RHOT1: variants seen among roughly 807,000 people sequenced by gnomAD.
RHOT1 encodes the protein mitochondrial Rho GTPase 1.
In RHOT1, 27 loss-of-function variants were observed where a neutral mutation model predicts 95.3. The ratio of observed to expected loss-of-function variants is 0.28; its 90% CI spans 0.21 to 0.39. RHOT1 has a LOEUF of 0.39. Among genes scored for constraint, RHOT1 ranks in the 10% least tolerant of loss-of-function variants. The pLI is 1.00. For missense variants in RHOT1, 578 were observed against 786.7 expected (o/e 0.73, Z 3.17); for synonymous variants, 227 against 263.5 (o/e 0.86, Z 1.34).
chr17:32,169,224 C>T (rs1273922447), intron 1 of RHOT1, among the ~76,000 whole-genome samples: 1 of 152,072 alleles, frequency 6.6e-6, no homozygotes, highest in African/African-American at 2.4e-5. Flanking sequence ...CTTTTCTTAA[C>T]TCAAAAAATT....
At chr17:32,144,925 C>T (rs1297882346) in intron 1 of RHOT1, among the ~76,000 whole-genome samples, 1 of 151,932 alleles carries the variant, frequency 6.6e-6, no homozygotes, top group East Asian at 1.9e-4. Flanking sequence ...CCCAGAAAAT[C>T]GAGGTTGCAG....
Position 32,194,180 on chromosome 17 carries a change from C to T in RHOT1, c.869+73C>T, listed in dbSNP as rs2036701492. 9.9e-6 allele frequency: 15 copies of T among 1,522,514 alleles called. No individual in the cohort carries two copies. In the South Asian group the frequency reaches 1.5e-4, roughly 16 times the overall value. The allele number at this position is 1,522,514 out of a possible 1,614,324, so 94.3% of individuals were successfully genotyped here. A position where few individuals can be genotyped will look rare whatever the true frequency, so the allele number is the denominator to read the frequency against. ...TGAGACAGGATCTCACTATGTTTCCCAGGCTGGTCTTGAACTCCTGAGTCA... is the reference window on the plus strand; with the variant it reads ...TGAGACAGGATCTCACTATGTTTCCTAGGCTGGTCTTGAACTCCTGAGTCA... On this transcript the variant is annotated intron_variant, in intron 11 of 19. Transcript: ENST00000545287.
At chr17:32,219,684 C>T (rs1379474894) in intron 19 of RHOT1, among the ~76,000 whole-genome samples, 1 of 152,138 alleles carries the variant, frequency 6.6e-6, no homozygotes, top group Non-Finnish European at 1.5e-5. Context: ...GGCTCCTACA[C>T]CTGTGTCAAG....
intron 19 of RHOT1, among the ~76,000 whole-genome samples, chr17:32,218,185 G>A (rs767093968): frequency 1.3e-5 from 2 of 151,630 alleles, no homozygotes; most frequent in Non-Finnish European, 2.9e-5. Context: ...TTTTTTAAGT[G>A]GAATATTTGA....
At chr17:32,175,871 T>G (rs1238670988) in intron 4 of RHOT1, 91 bp from the exon 5 acceptor site, 1 of 813,308 alleles carries the variant, frequency 1.2e-6, no homozygotes, top group African/African-American at 1.8e-5. Flanking sequence ...TTTTCTTCCT[T>G]TCACCCGAAT....
chr17:32,143,572 A>G (rs1211732408), intron 1 of RHOT1, among the ~76,000 whole-genome samples: 1 of 152,138 alleles, frequency 6.6e-6, no homozygotes, highest in African/African-American at 2.4e-5. Flanking sequence ...GACATTTGAT[A>G]TCTCCCCCCA....
At chr17:32,150,625 T>C in intron 1 of RHOT1, 1 of 1,590,206 alleles carries the variant, frequency 6.3e-7, no homozygotes, top group Non-Finnish European at 8.6e-7. Context: ...GAGATACTGA[T>C]ACAGACAGTG....
intron 11 of RHOT1, among the ~76,000 whole-genome samples, chr17:32,197,476 G>A (rs879478579): frequency 6.6e-6 from 1 of 151,580 alleles, no homozygotes; most frequent in Non-Finnish European, 1.5e-5. Context: ...CCAGGCTGGA[G>A]TGCAGTGGCG....
chr17:32,154,983 C>T (rs2032793213), intron 1 of RHOT1, among the ~76,000 whole-genome samples: 1 of 151,362 alleles, frequency 6.6e-6, no homozygotes, highest in Non-Finnish European at 1.5e-5. Context: ...ACTTGAGAGG[C>T]TGAGGCAGGA....
chr17:32,206,912 G>A lies in RHOT1; in HGVS notation c.1419G>A (p.Leu473=), dbSNP rs1316071611. The A allele has an allele frequency of 1.3e-6, 2 of 1,572,848 alleles. No homozygotes were observed. The highest frequency in any genetic ancestry group is 3.4e-5 in the Admixed American group (2 of 58,782). Residue 473 remains leucine, a splice_region_variant and synonymous_variant, in exon 17 of 20, where the codon TTG becomes TTA. Transcript: ENST00000545287. ...TCATTATCTTTTTCTTTTACAAGTT[G>A]CATGATATCTCAGAATCGGAATTTC... ...YVYGQEKYLL[L]HDISESEFLT... is the part of the protein sequence containing the mutation.
At chr17:32,172,076 T>A (rs566874036) in intron 2 of RHOT1, among the ~76,000 whole-genome samples, 17 of 152,318 alleles carry the variant, frequency 1.1e-4, no homozygotes, top group African/African-American at 3.8e-4. Flanking sequence ...ATAGTAGGTA[T>A]CATTAGTGTC....
chr17:32,189,736 C>CTTTTTTTTTTTT (rs71362807), intron 8 of RHOT1, among the ~76,000 whole-genome samples: 8 of 124,388 alleles, frequency 6.4e-5, no homozygotes, highest in African/African-American at 9.5e-5. Context: ...CTTTTCTTTT[C>CTTTTTTTTTTTT]TTTTTTTTTT....
At chr17:32,207,210 T>G in intron 17 of RHOT1, 181 bp downstream of exon 17, 1 of 528,956 alleles carries the variant, frequency 1.9e-6, no homozygotes, top group South Asian at 4.0e-5. Context: ...GTCTCAGACA[T>G]ACATATTTCT....
chr17:32,171,144 C>A, intron 2 of RHOT1, 43 bp downstream of exon 2: 2 of 1,314,730 alleles, frequency 1.5e-6, no homozygotes, highest in South Asian at 1.3e-5. Context: ...AAAAATTTAT[C>A]AAAATCAAAT....
rs548223139 is a variant in RHOT1 at position 32,166,393 on chromosome 17, G to T, written c.38-4650G>T. Among the ~76,000 whole-genome samples, 4 of 152,272 alleles carry T rather than the reference G, an allele frequency of 2.6e-5. No individual in the cohort carries two copies. In the South Asian group the frequency reaches 8.3e-4, roughly 32 times the overall value. On this transcript the variant is annotated intron_variant, in intron 1 of 19. Coordinates refer to ENST00000545287, the MANE Select transcript of RHOT1 (RefSeq NM_001033566.3). Reference sequence around the variant, plus strand: ...TGATGGCTGCTGACTGATTAGGGTGGTGATTCCTGAAGGCTGGGGTGGCTG... The same window carrying T: ...TGATGGCTGCTGACTGATTAGGGTGTTGATTCCTGAAGGCTGGGGTGGCTG...
chr17:32,166,080 C>T (rs758725114), intron 1 of RHOT1, among the ~76,000 whole-genome samples: 1 of 150,962 alleles, frequency 6.6e-6, no homozygotes, highest in Non-Finnish European at 1.5e-5. Context: ...CTCAGCCACT[C>T]GAGTGGCTGA....
chr17:32,176,094 G>A, intron 5 of RHOT1, 67 bp from the exon 6 acceptor site: 1 of 1,579,768 alleles, frequency 6.3e-7, no homozygotes, highest in Non-Finnish European at 8.6e-7. Context: ...GAATTTTAGG[G>A]GTCTAAGGGA....
At chr17:32,148,820 A>G (rs927823873) in intron 1 of RHOT1, among the ~76,000 whole-genome samples, 3 of 152,222 alleles carry the variant, frequency 2.0e-5, no homozygotes, top group Non-Finnish European at 4.4e-5. Context: ...TGGTAATTGG[A>G]ACCAGAGAAT....
chr17:32,196,382 A>C (rs1325175774), intron 11 of RHOT1, among the ~76,000 whole-genome samples: 4 of 151,960 alleles, frequency 2.6e-5, no homozygotes, highest in Admixed American at 6.6e-5. Context: ...TGTAGAGATG[A>C]GGTCTCCCTT....
Sources: gnomAD v4.1 joint callset for allele counts (sites outside exome capture counted in the v4.1 genomes callset) on GRCh38, gnomAD v4.1.1 for gene constraint, MANE v1.5 for transcripts, NCBI Gene and HGNC (gene_info 2026-07-23, HGNC 2026-07-21) for gene names.